The following HPSE2 variants were observed in gnomAD, a reference collection of about 807,000 sequenced individuals.
HPSE2 encodes the protein heparanase 2 (inactive).
Under a neutral mutation model 60.5 loss-of-function variants are expected in HPSE2, and 38 were observed. The observed-to-expected ratio is 0.63, with a 90% CI of 0.48 to 0.82. The LOEUF (loss-of-function observed/expected upper bound fraction) is 0.82, where lower values mean the gene tolerates loss of function less well. Ranked by LOEUF, HPSE2 falls within the 40% of genes least tolerant of loss-of-function variation. The pLI is 0.00. For synonymous variants in HPSE2, 295 were observed against 293.2 expected, an observed-to-expected ratio of 1.01 and a Z score of -0.06; for missense variants, 713 against 740.4, an observed-to-expected ratio of 0.96 and a Z score of 0.43.
intron 3 of HPSE2, chr10:99,048,060 C>T (rs1164438761): frequency 2.8e-6 from 2 of 707,894 alleles, no homozygotes; most frequent in Non-Finnish European, 2.5e-6. Flanking sequence ...CCATATATTG[C>T]ATGGGGGTAC....
chr10:99,257,032 A>G, the HPSE2 span, among the ~76,000 whole-genome samples: 4 of 152,212 alleles, frequency 2.6e-5, no homozygotes, highest in African/African-American at 9.7e-5. Context: ...CAATCTCTGA[A>G]CATAAATTGT....
Position 98,902,850 on chromosome 10 carries a change from G to A in HPSE2, c.611-158794C>T, listed in dbSNP as rs548590924. ...CAAAAATAAGACAGATTAATGGGTG[G>A]ATAGATGGATAGATAGGTGACAAAT... On this transcript the variant is annotated intron_variant, in intron 3 of 11. Coordinates refer to ENST00000370552, the MANE Select transcript of HPSE2 (RefSeq NM_021828.5). Among the ~76,000 whole-genome samples the A allele has an allele frequency of 3.3e-5, 5 of 152,202 alleles. No individual in the cohort carries two copies. The South Asian group carries it at 1.0e-3, about 32-fold the overall frequency.
At chr10:98,615,361 C>T (rs547688205) in intron 8 of HPSE2, among the ~76,000 whole-genome samples, 1 of 152,298 alleles carries the variant, frequency 6.6e-6, no homozygotes, top group South Asian at 2.1e-4. Flanking sequence ...AATATCCCTC[C>T]TGGCCAGAGG....
At chr10:98,964,104 A>T in intron 3 of HPSE2, among the ~76,000 whole-genome samples, 1 of 152,144 alleles carries the variant, frequency 6.6e-6, no homozygotes, top group Non-Finnish European at 1.5e-5. Context: ...TAAACAAAAA[A>T]GTTTTCCTCA....
intron 3 of HPSE2, among the ~76,000 whole-genome samples, chr10:98,874,462 T>C (rs1324259063): frequency 6.6e-6 from 1 of 152,022 alleles, no homozygotes; most frequent in Non-Finnish European, 1.5e-5. Context: ...ATTGATTTTG[T>C]ATCCTGAGAC....
chr10:98,890,184 T>A (rs1055369619), intron 3 of HPSE2, among the ~76,000 whole-genome samples: 1 of 152,218 alleles, frequency 6.6e-6, no homozygotes, highest in Non-Finnish European at 1.5e-5. Flanking sequence ...ATGTAAGTTA[T>A]CATTTTTATT....
rs190791597 is a variant in HPSE2 at position 98,883,090 on chromosome 10, C to A, written c.611-139034G>T. ...CCATATGTTGACCATCTTCCTAGCT[C>A]TGAAGGGCTATCATATGGAAGAGAG... On this transcript the variant is annotated intron_variant, in intron 3 of 11. Coordinates refer to ENST00000370552, the MANE Select transcript of HPSE2 (RefSeq NM_021828.5). 5.4e-3 allele frequency among the ~76,000 whole-genome samples: 814 copies of A among 152,102 alleles called. 7 individuals carry two copies. Among genetic ancestry groups the A allele is most frequent in the African/African-American group, 0.019 (780 of 41,496 alleles).
the HPSE2 span, among the ~76,000 whole-genome samples, chr10:99,288,748 C>CAAAAAAAAAAA: frequency 1.1e-4 from 8 of 75,754 alleles, no homozygotes; most frequent in East Asian, 4.6e-4. Context: ...CAGCCTCAAG[C>CAAAAAAAAAAA]AAAAAAAAAA....
At chr10:98,529,272 AGACT>A (rs1389708925) in intron 9 of HPSE2, among the ~76,000 whole-genome samples, 1 of 152,242 alleles carries the variant, frequency 6.6e-6, no homozygotes, top group Non-Finnish European at 1.5e-5. Context: ...GTGTTGAGAT[AGACT>A]AACAGGGATG....
intron 2 of HPSE2, among the ~76,000 whole-genome samples, chr10:99,174,965 G>A (rs994331049): frequency 1.1e-4 from 16 of 152,306 alleles, no homozygotes; most frequent in East Asian, 1.9e-4. Flanking sequence ...CATGGAAGGC[G>A]AGCAGAAGCA....
chr10:98,618,049 C>A (rs59344537), intron 8 of HPSE2, among the ~76,000 whole-genome samples: 2 of 152,116 alleles, frequency 1.3e-5, no homozygotes, highest in African/African-American at 4.8e-5. Flanking sequence ...CCTACTCCCC[C>A]CCGCCACGAC....
chr10:99,308,660 T>C, the HPSE2 span, among the ~76,000 whole-genome samples: 18 of 152,164 alleles, frequency 1.2e-4, no homozygotes, highest in Non-Finnish European at 1.9e-4. Flanking sequence ...ATCACTTTAG[T>C]ATATCAACTT....
chr10:98,911,129 G>T (rs1206331145), intron 3 of HPSE2, among the ~76,000 whole-genome samples: 1 of 152,206 alleles, frequency 6.6e-6, no homozygotes, highest in African/African-American at 2.4e-5. Context: ...AAGTAGTTTA[G>T]AGGGTAAAAG....
intron 10 of HPSE2, among the ~76,000 whole-genome samples, chr10:98,484,358 C>G (rs1941361683): frequency 6.6e-6 from 1 of 152,224 alleles, no homozygotes; most frequent in Admixed American, 6.5e-5. Context: ...CTGCCTCAGC[C>G]TCCCTGGTAG....
chr10:99,097,713 TA>T (rs1843768223), intron 3 of HPSE2, among the ~76,000 whole-genome samples: 1 of 152,218 alleles, frequency 6.6e-6, no homozygotes, highest in African/African-American at 2.4e-5. Flanking sequence ...TTACAATTTT[TA>T]AAGTACTTCT....
chr10:98,574,874 T>C (rs1443313026), intron 9 of HPSE2, among the ~76,000 whole-genome samples: 1 of 152,190 alleles, frequency 6.6e-6, no homozygotes, highest in Non-Finnish European at 1.5e-5. Flanking sequence ...ACATACATAC[T>C]GAGATGGAAA....
intron 9 of HPSE2, among the ~76,000 whole-genome samples, chr10:98,564,977 A>G (rs538873): frequency 0.85 from 128,730 of 151,594 alleles, 55,922 homozygotes; most frequent in East Asian, 1. Flanking sequence ...CATCCTGTAT[A>G]GTCATTTGTC....
At chr10:98,997,889 G>A (rs1317536702) in intron 3 of HPSE2, among the ~76,000 whole-genome samples, 1 of 152,310 alleles carries the variant, frequency 6.6e-6, no homozygotes, top group Non-Finnish European at 1.5e-5. Flanking sequence ...GCTTGGGCTG[G>A]AGCATGACCA....
At chr10:98,627,842 AGACGTAG>A (rs1370704014) in intron 7 of HPSE2, among the ~76,000 whole-genome samples, 2 of 152,226 alleles carry the variant, frequency 1.3e-5, no homozygotes, top group Non-Finnish European at 2.9e-5. Flanking sequence ...TTTTTCCTTC[AGACGTAG>A]GACTTGTGGT....
Sources: allele counts gnomAD v4.1 joint callset (sites outside exome capture counted in the v4.1 genomes callset), GRCh38; gene constraint gnomAD v4.1.1; transcripts MANE v1.5; gene names NCBI Gene and HGNC (gene_info 2026-07-23, HGNC 2026-07-21).